Variants in MFSD2B observed in about 807,000 individuals in gnomAD.
MFSD2B encodes the protein sphingosine-1-phosphate transporter MFSD2B.
Under a neutral mutation model 58.4 loss-of-function variants are expected in MFSD2B, and 56 were observed. The observed-to-expected ratio is 0.96, with a 90% CI of 0.77 to 1.20. The LOEUF is 1.20. Ranked by LOEUF, MFSD2B falls within the 50% of genes most tolerant of loss-of-function variation. MFSD2B has a pLI of 0.00. For missense variants in MFSD2B, 645 were observed against 667.6 expected (o/e 0.97, Z 0.37); for synonymous variants, 287 against 294.4 (o/e 0.97, Z 0.26).
At position 24,022,115 on chromosome 2, in the gene MFSD2B, T is replaced by C. The variant is rs1558325731; in HGVS notation, c.894+145T>C. 9 of 997,680 alleles carry C rather than the reference T, an allele frequency of 9.0e-6. No individual in the cohort carries two copies. Among genetic ancestry groups the C allele is most frequent in the Non-Finnish European group, 1.3e-5 (9 of 667,922 alleles). The allele number at this position is 997,680 out of a possible 1,614,324, so 61.8% of individuals were successfully genotyped here. A position where few individuals can be genotyped will look rare whatever the true frequency, so the allele number is the denominator to read the frequency against. The stretch of plus-strand genomic sequence containing the variant: ...AGAGGGGCTGGTGCCGGGAGGGAGA[T>C]CCCGGTAGGGCTTGTGGGAATGGAG... On this transcript the variant is annotated intron_variant, in intron 8 of 13. Coordinates refer to ENST00000338315, the MANE Select transcript of MFSD2B (RefSeq NM_001346880.2). This position sits in a 1 kb window ranked among gnomAD's most constrained non-coding sequence, Gnocchi z 4.5.
chr2:24,021,537 G>T lies in MFSD2B; in HGVS notation c.682-111G>T. 1.0e-6 allele frequency: 1 copy of T among 961,656 alleles called. No individual in the cohort carries two copies. The allele number at this position is 961,656 out of a possible 1,614,324, so 59.6% of individuals were successfully genotyped here. A position where few individuals can be genotyped will look rare whatever the true frequency, so the allele number is the denominator to read the frequency against. The stretch of plus-strand genomic sequence containing the variant: ...GTGGGGACCCAGCGTCCTGGGCTTG[G>T]GTTGTGCCTCCCTCCGCTCCCACTG... On this transcript the variant is annotated intron_variant, in intron 6 of 13. Transcript: ENST00000338315. This position sits in a 1 kb window ranked among gnomAD's most constrained non-coding sequence, Gnocchi z 5.7.
chr2:24,010,215 G>A (rs1708907837), intron 1 of MFSD2B, 23 bp downstream of exon 1: 3 of 1,363,610 alleles, frequency 2.2e-6, no homozygotes, highest in Non-Finnish European at 2.8e-6. Flanking sequence ...GCGGGGACCG[G>A]GAAGGGGCTG....
chr2:24,010,256 G>A lies in MFSD2B; in HGVS notation c.96+64G>A. 2.4e-6 allele frequency: 3 copies of A among 1,227,938 alleles called. 1 individual carries two copies. In the South Asian group the frequency reaches 6.8e-5, roughly 28 times the overall value. The allele number at this position is 1,227,938 out of a possible 1,614,324, so 76.1% of individuals were successfully genotyped here. A position where few individuals can be genotyped will look rare whatever the true frequency, so the allele number is the denominator to read the frequency against. The stretch of plus-strand genomic sequence containing the variant: ...TCGGGGAGCTCCAGGGCGTCGCCTC[G>A]CAGCCCCTTTTCCAGCTGGGGGCAG... On this transcript the variant is annotated intron_variant, in intron 1 of 13. Transcript: ENST00000338315.
In MFSD2B at chr2:24,012,338, C is replaced by G. The variant is rs531037879; in HGVS notation, c.97-947C>G. ...ATTTGCTCACTGCAACCTCTGCCTC[C>G]CTGGTTCAAGCAATTCTCTTGCCTC... On this transcript the variant is annotated intron_variant, in intron 1 of 13. Transcript: ENST00000338315. The surrounding 1 kb of genome is among the most constrained non-coding windows in gnomAD (Gnocchi z 4.5). 1.3e-5 allele frequency among the ~76,000 whole-genome samples: 2 copies of G among 152,230 alleles called. No homozygotes were observed. The highest frequency in any genetic ancestry group is 4.8e-5 in the African/African-American group (2 of 41,550).
intron 2 of MFSD2B, among the ~76,000 whole-genome samples, chr2:24,015,718 T>C (rs1230408903): frequency 6.6e-6 from 1 of 152,264 alleles, no homozygotes; most frequent in Non-Finnish European, 1.5e-5. Flanking sequence ...ATCCTTTCCA[T>C]TGTGAAACAC....
rs535842857 is a variant in MFSD2B at position 24,017,269 on chromosome 2, C to T, written c.472-17C>T. On this transcript the variant is annotated splice_polypyrimidine_tract_variant and intron_variant, in intron 4 of 13. Transcript: ENST00000338315. The surrounding 1 kb of genome is among the most constrained non-coding windows in gnomAD (Gnocchi z 4.8). ...AGGCAAAGCTGGGGGCGGTTCTAAG[C>T]TCTGCCGACGCCCCAGTTCTTCCAG... is the stretch of plus-strand genomic sequence containing the variant. 3.2e-6 allele frequency: 5 copies of T among 1,582,750 alleles called. No homozygotes were observed. The highest frequency in any genetic ancestry group is 4.3e-6 in the Non-Finnish European group (5 of 1,165,334).
Position 24,017,727 on chromosome 2 carries a change from G to C in MFSD2B, c.681+139G>C, listed in dbSNP as rs537330336. The C allele has an allele frequency of 3.2e-6, 3 of 930,182 alleles. No homozygotes were observed. The highest frequency in any genetic ancestry group is 2.7e-5 in the East Asian group (1 of 37,084). The allele number at this position is 930,182 out of a possible 1,614,324, so 57.6% of individuals were successfully genotyped here. A position where few individuals can be genotyped will look rare whatever the true frequency, so the allele number is the denominator to read the frequency against. On this transcript the variant is annotated intron_variant, in intron 6 of 13. Transcript: ENST00000338315. This position sits in a 1 kb window ranked among gnomAD's most constrained non-coding sequence, Gnocchi z 4.8. Reference sequence around the variant, plus strand: ...CACTGTGCCCCCTCATTCCTTCCCTGCTCCTCCAGTTGAGCAGATGGCCCC... The same window carrying C: ...CACTGTGCCCCCTCATTCCTTCCCTCCTCCTCCAGTTGAGCAGATGGCCCC...
chr2:24,010,187 C>T lies in MFSD2B; in HGVS notation c.91C>T (p.Arg31Ter), dbSNP rs951627734. 7.1e-7 allele frequency: 1 copy of T among 1,417,134 alleles called. No homozygotes were observed. Among genetic ancestry groups the T allele is most frequent in the Non-Finnish European group, 9.2e-7 (1 of 1,091,490 alleles). 87.8% of individuals were successfully genotyped at this position (1,417,134 alleles called of 1,614,324 possible). The change falls in exon 1 of 14, where the codon CGA becomes TGA. Residue 31 changes from arginine to a stop codon, truncating the protein, a stop_gained. Transcript: ENST00000338315. LOFTEE classifies it high-confidence loss of function. ...EPGPGSAKRG[R>*]EDSRAGRLSF... Reference sequence around the variant, plus strand: ...CGGCCCGGGGAGCGCCAAGCGAGGGCGAGAGGTGAGCGGGGCGGCGGGGAC... The same window carrying T: ...CGGCCCGGGGAGCGCCAAGCGAGGGTGAGAGGTGAGCGGGGCGGCGGGGAC...
rs1237943378 is a variant in MFSD2B, at chr2:24,012,732, G to A, written c.97-553G>A. Among the ~76,000 whole-genome samples, 3 of 152,226 alleles carry A rather than the reference G, an allele frequency of 2.0e-5. No homozygotes were observed. The highest frequency in any genetic ancestry group is 7.2e-5 in the African/African-American group (3 of 41,458). ...TTGCTAGGAGCTGGATTAGACAATG[G>A]AATGGCCATCAGGAGCTGTATGTAG... On this transcript the variant is annotated intron_variant, in intron 1 of 13. Transcript: ENST00000338315. The surrounding 1 kb of genome is among the most constrained non-coding windows in gnomAD (Gnocchi z 4.5).
intron 6 of MFSD2B, among the ~76,000 whole-genome samples, chr2:24,019,363 A>G (rs1039338576): frequency 4.1e-4 from 62 of 152,044 alleles, no homozygotes; most frequent in Admixed American, 2.0e-4. Context: ...TTCTGCCCCC[A>G]CCAATGTCTC....
rs1708906755 is a variant in MFSD2B at position 24,010,191 on chromosome 2, A to G, written c.95A>G (p.Glu32Gly). 1.4e-6 allele frequency: 2 copies of G among 1,410,236 alleles called. No homozygotes were observed. The highest frequency in any genetic ancestry group is 3.1e-5 in the Admixed American group (1 of 32,554). The allele number at this position is 1,410,236 out of a possible 1,614,324, so 87.4% of individuals were successfully genotyped here. A position where few individuals can be genotyped will look rare whatever the true frequency, so the allele number is the denominator to read the frequency against. Residue 32 changes from glutamate (E) to glycine (G), a missense_variant and splice_region_variant, in exon 1 of 14, where the codon GAG becomes GGG. Transcript: ENST00000338315. ...PGPGSAKRGR[E>G]DSRAGRLSFC... Reference sequence around the variant, plus strand: ...CCGGGGAGCGCCAAGCGAGGGCGAGAGGTGAGCGGGGCGGCGGGGACCGGG... The same window carrying G: ...CCGGGGAGCGCCAAGCGAGGGCGAGGGGTGAGCGGGGCGGCGGGGACCGGG...
At chr2:24,018,889 T>C (rs1166953195) in intron 6 of MFSD2B, among the ~76,000 whole-genome samples, 5 of 150,040 alleles carry the variant, frequency 3.3e-5, no homozygotes, top group Non-Finnish European at 7.4e-5. Context: ...CTCGATCTGT[T>C]GCCCAGGCTG....
At chr2:24,011,077 C>G (rs553153987) in intron 1 of MFSD2B, among the ~76,000 whole-genome samples, 4 of 152,318 alleles carry the variant, frequency 2.6e-5, no homozygotes, top group Admixed American at 1.3e-4. Context: ...GTGGCAGCCC[C>G]GGTCACTCCA....
chr2:24,016,171 G>C lies in MFSD2B; in HGVS notation c.238G>C (p.Val80Leu). The change falls in exon 3 of 14, where the codon GTG (valine) becomes CTG (leucine). Residue 80 changes from valine to leucine, a missense_variant. By Grantham distance (32) the Val-to-Leu change is conservative. Coordinates refer to ENST00000338315, the MANE Select transcript of MFSD2B (RefSeq NM_001346880.2). ...LDIAQIPAAQ[V>L]SLVLFGGKVS... ...TCTGTTTCAGATCCCTGCCGCCCAG[G>C]TGTCACTTGTTCTGTTTGGGGGAAA... 6.2e-7 allele frequency: 1 copy of C among 1,613,748 alleles called. No individual in the cohort carries two copies. The highest frequency in any genetic ancestry group is 8.5e-7 in the Non-Finnish European group (1 of 1,179,876).
At position 24,022,545 on chromosome 2, in the gene MFSD2B, G is replaced by A; in HGVS notation, c.978+29G>A. ...AGGGGGCCTGGGGTGGTGGAGGCTAGGTCACTTGGGGCCCTGAGCTGGGGA... is the reference window on the plus strand; with the variant it reads ...AGGGGGCCTGGGGTGGTGGAGGCTAAGTCACTTGGGGCCCTGAGCTGGGGA... On this transcript the variant is annotated intron_variant, in intron 9 of 13. Coordinates refer to ENST00000338315, the MANE Select transcript of MFSD2B (RefSeq NM_001346880.2). The surrounding 1 kb of genome is among the most constrained non-coding windows in gnomAD (Gnocchi z 4.5). 2 of 1,566,930 alleles carry A rather than the reference G, an allele frequency of 1.3e-6. No individual in the cohort carries two copies. Among genetic ancestry groups the A allele is most frequent in the Non-Finnish European group, 1.7e-6 (2 of 1,145,696 alleles).
At chr2:24,016,823 C>T (rs1709161925) in intron 3 of MFSD2B, 22 bp from the exon 4 acceptor site, 1 of 1,611,598 alleles carries the variant, frequency 6.2e-7, no homozygotes, top group East Asian at 2.2e-5. Flanking sequence ...GGGGCCGCTC[C>T]ACCTCGGCTG....
chr2:24,023,188 T>C lies in MFSD2B; in HGVS notation c.1118T>C (p.Val373Ala). Residue 373 changes from valine (V) to alanine (A), a missense_variant, in exon 11 of 14, where the codon GTC (valine) becomes GCC (alanine). Physicochemically the swap from Val to Ala is moderately conservative, Grantham distance 64. Coordinates refer to ENST00000338315, the MANE Select transcript of MFSD2B (RefSeq NM_001346880.2). The surrounding 1 kb of genome is among the most constrained non-coding windows in gnomAD (Gnocchi z 5.0). ...GTGCCCACAGCACCTGTGGCATATG[T>C]CGTGGCCTTTGTATCTGGCGTGAGC... The part of the protein sequence containing the change: ...AAVPTAPVAY[V>A]VAFVSGVSIA... 6.2e-7 allele frequency: 1 copy of C among 1,613,696 alleles called. No individual in the cohort carries two copies. The highest frequency in any genetic ancestry group is 8.5e-7 in the Non-Finnish European group (1 of 1,179,844).
chr2:24,022,363 C>A lies in MFSD2B; in HGVS notation c.895-70C>A. 7.9e-7 allele frequency: 1 copy of A among 1,270,452 alleles called. No homozygotes were observed. The highest frequency in any genetic ancestry group is 1.1e-6 in the Non-Finnish European group (1 of 886,186). 78.7% of individuals were successfully genotyped at this position (1,270,452 alleles called of 1,614,324 possible). ...CAATGGAGATGCCAGACTCCAGACC[C>A]TGTCCTTGCCCTTGACTTCTGAGCT... On this transcript the variant is annotated intron_variant, in intron 8 of 13. Coordinates refer to ENST00000338315, the MANE Select transcript of MFSD2B (RefSeq NM_001346880.2). The surrounding 1 kb of genome is among the most constrained non-coding windows in gnomAD (Gnocchi z 4.5).
chr2:24,023,744 G>C lies in MFSD2B; in HGVS notation c.1313+18G>C. On this transcript the variant is annotated intron_variant, in intron 12 of 13. Transcript: ENST00000338315. This position sits in a 1 kb window ranked among gnomAD's most constrained non-coding sequence, Gnocchi z 5.0. Reference sequence around the variant, plus strand: ...AGTCTGGAGTGAGTCCCAGGGTTAGGATACAGCAGAGGCACCAAGGACCAG... The same window carrying C: ...AGTCTGGAGTGAGTCCCAGGGTTAGCATACAGCAGAGGCACCAAGGACCAG... 2 of 1,612,248 alleles carry C rather than the reference G, an allele frequency of 1.2e-6. No homozygotes were observed. Among genetic ancestry groups the C allele is most frequent in the Non-Finnish European group, 1.7e-6 (2 of 1,178,760 alleles).
Sources: allele counts gnomAD v4.1 joint callset (sites outside exome capture counted in the v4.1 genomes callset), GRCh38; gene constraint gnomAD v4.1.1; non-coding constraint Gnocchi (gnomAD v3.1); transcripts MANE v1.5; gene names NCBI Gene and HGNC (gene_info 2026-07-23, HGNC 2026-07-21).